The following DNAH8 variants were observed in gnomAD, a reference collection of about 807,000 sequenced individuals.
DNAH8 encodes axonemal beta dynein heavy chain 8.
A neutral mutation model predicts 562.1 loss-of-function variants in DNAH8; 382 were observed. That is an observed-to-expected ratio of 0.68 (90% CI 0.63 to 0.74). The LOEUF is 0.74. Among genes scored for constraint, DNAH8 ranks in the 30% least tolerant of loss-of-function variants. DNAH8 has a pLI of 0.00. For synonymous variants in DNAH8, 1,881 were observed against 1,919.4 expected (o/e 0.98, Z 0.52); for missense variants, 5,203 against 5,620.4 (o/e 0.93, Z 2.37).
At chr6:38,949,925 T>C (rs974651505) in intron 81 of DNAH8, among the ~76,000 whole-genome samples, 2 of 152,200 alleles carry the variant, frequency 1.3e-5, no homozygotes, top group Non-Finnish European at 2.9e-5. Flanking sequence ...TATTGTTGAA[T>C]TTATTTCTTT....
intron 48 of DNAH8, among the ~76,000 whole-genome samples, chr6:38,869,916 T>C (rs1777334674): frequency 6.6e-6 from 1 of 152,212 alleles, no homozygotes; most frequent in Non-Finnish European, 1.5e-5. Context: ...GTTCTCACAC[T>C]GTTAATAAAG....
At chr6:38,960,747 G>T (rs1483097011) in intron 82 of DNAH8, among the ~76,000 whole-genome samples, 4 of 151,966 alleles carry the variant, frequency 2.6e-5, no homozygotes, top group African/African-American at 9.7e-5. Context: ...CTATGATTCA[G>T]CAGTGCTGCT....
intron 41 of DNAH8, among the ~76,000 whole-genome samples, chr6:38,855,945 T>C (rs945875886): frequency 3.9e-5 from 6 of 152,178 alleles, no homozygotes; most frequent in African/African-American, 1.4e-4. Context: ...GCGCTGCTTA[T>C]GTGAATCTAA....
At chr6:38,906,068 C>T (rs1368277749) in intron 62 of DNAH8, among the ~76,000 whole-genome samples, 186 bp from the exon 63 acceptor site, 1 of 146,262 alleles carries the variant, frequency 6.8e-6, no homozygotes, top group Non-Finnish European at 1.5e-5. Flanking sequence ...ACACACTTGG[C>T]TTTTTTTTTT....
chr6:38,746,385 G>T (rs1035550999), intron 8 of DNAH8, among the ~76,000 whole-genome samples: 2 of 151,932 alleles, frequency 1.3e-5, no homozygotes, highest in African/African-American at 4.8e-5. Context: ...AATGCTTAAG[G>T]CTCATTTTGT....
Position 38,977,175 on chromosome 6 carries a change from G to A in DNAH8, c.12834+2646G>A, listed in dbSNP as rs558802774. 2.4e-4 allele frequency among the ~76,000 whole-genome samples: 37 copies of A among 152,332 alleles called. No homozygotes were observed. The Middle Eastern group carries it at 0.014, about 56-fold the overall frequency. On this transcript the variant is annotated intron_variant, in intron 85 of 92. Coordinates refer to ENST00000327475, the MANE Select transcript of DNAH8 (RefSeq NM_001206927.2). Reference sequence around the variant, plus strand: ...CTTGGGCAGAAGAGTGGTGGAGGGCGTGGTTTGCTTTATTCTTGAGGTGGG... The same window carrying A: ...CTTGGGCAGAAGAGTGGTGGAGGGCATGGTTTGCTTTATTCTTGAGGTGGG...
intron 82 of DNAH8, among the ~76,000 whole-genome samples, chr6:38,963,253 C>CTTTTT (rs57083753): frequency 3.2e-4 from 33 of 102,608 alleles, no homozygotes; most frequent in East Asian, 6.5e-4. Flanking sequence ...AGTCCTTTTT[C>CTTTTT]TTTTTTTTTT....
chr6:39,029,358 C>T (rs895471667), intron 92 of DNAH8, among the ~76,000 whole-genome samples: 17 of 152,314 alleles, frequency 1.1e-4, no homozygotes, highest in African/African-American at 3.8e-4. Flanking sequence ...CTCCTGAGCA[C>T]TCCAGCCACA....
intron 10 of DNAH8, among the ~76,000 whole-genome samples, chr6:38,756,761 A>G (rs1359066160): frequency 1.3e-5 from 2 of 149,372 alleles, no homozygotes; most frequent in Admixed American, 6.7e-5. Flanking sequence ...CTAAGTGAGA[A>G]CATGCGGTGT....
intron 39 of DNAH8, 47 bp downstream of exon 39, chr6:38,851,721 C>A: frequency 2.6e-6 from 3 of 1,171,656 alleles, no homozygotes; most frequent in East Asian, 2.3e-5. Context: ...CCACGACATA[C>A]ACAATGAAGA....
chr6:38,924,510 C>T (rs78602369), intron 73 of DNAH8, among the ~76,000 whole-genome samples: 1 of 150,754 alleles, frequency 6.6e-6, no homozygotes, highest in African/African-American at 2.4e-5. Flanking sequence ...ATCCCCCCCC[C>T]AAAAAAAAGA....
At chr6:38,851,550 A>ATT in intron 38 of DNAH8, 22 bp from the exon 39 acceptor site, 1 of 1,499,046 alleles carries the variant, frequency 6.7e-7, no homozygotes, top group Non-Finnish European at 9.2e-7. Flanking sequence ...ACTTGGTAAC[A>ATT]TACTGTCGAC....
chr6:39,018,965 C>G (rs947677993), intron 91 of DNAH8, among the ~76,000 whole-genome samples: 2 of 152,130 alleles, frequency 1.3e-5, no homozygotes, highest in African/African-American at 2.4e-5. Flanking sequence ...GGTGAGTATG[C>G]ATAACATGGA....
intron 1 of DNAH8, among the ~76,000 whole-genome samples, chr6:38,715,927 T>TAAATAAATAA (rs1295765006): frequency 5.1e-4 from 16 of 31,596 alleles, no homozygotes; most frequent in Admixed American, 1.9e-3. Context: ...AATAAATAAA[T>TAAATAAATAA]ATATATATAT....
rs376791268 is a variant in DNAH8 at position 38,737,938 on chromosome 6, A to C, written c.1082A>C (p.Glu361Ala). 232 of 1,608,974 alleles carry C rather than the reference A, an allele frequency of 1.4e-4. No homozygotes were observed. The highest frequency in any genetic ancestry group is 1.9e-4 in the Non-Finnish European group (225 of 1,177,852). The change falls in exon 7 of 93, where the codon GAA (glutamate) becomes GCA (alanine). Residue 361 changes from glutamate (E) to alanine (A), a missense_variant. Around this residue, in one of 6 missense-constraint regions of DNAH8, gnomAD observed 556 missense variants for 496.9 expected, o/e 1.12. Transcript: ENST00000327475. Reference sequence around the variant, plus strand: ...TCAGAAACTGTTCATCAGCTGGAGGAAGTGCTGATGGTATGGTACAAACAG... The same window carrying C: ...TCAGAAACTGTTCATCAGCTGGAGGCAGTGCTGATGGTATGGTACAAACAG... ...SNSETVHQLE[E>A]VLMVWYKQIE... is the part of the protein sequence containing the mutation.
Position 38,909,599 on chromosome 6 carries a change from C to T in DNAH8, c.9595C>T (p.Pro3199Ser). 6.2e-7 allele frequency: 1 copy of T among 1,614,144 alleles called. No homozygotes were observed. The highest frequency in any genetic ancestry group is 1.1e-5 in the South Asian group (1 of 91,076). Residue 3199 changes from proline to serine, a missense_variant, in exon 65 of 93, where the codon CCA becomes TCA. Around this residue, in one of 6 missense-constraint regions of DNAH8, gnomAD observed 977 missense variants for 1,061.8 expected, o/e 0.92. Coordinates refer to ENST00000327475, the MANE Select transcript of DNAH8 (RefSeq NM_001206927.2). ...CACTATGGACTGGTTCAGCCGCTGG[C>T]CAAGGGAGGCTCTGATTGCTGTGGC... is the stretch of plus-strand genomic sequence containing the variant. ...GCTMDWFSRW[P>S]REALIAVASY...
intron 87 of DNAH8, 176 bp downstream of exon 87, chr6:38,984,483 C>G: frequency 1.8e-6 from 1 of 567,660 alleles, no homozygotes; most frequent in Non-Finnish European, 3.2e-6. Context: ...CACACACACA[C>G]ACACACACAC....
chr6:38,907,461 C>T (rs1187212461), intron 63 of DNAH8, among the ~76,000 whole-genome samples: 1 of 152,170 alleles, frequency 6.6e-6, no homozygotes, highest in Non-Finnish European at 1.5e-5. Context: ...TGCAAAACAA[C>T]CTTATCAATT....
At chr6:38,908,665 ACCTTAGACTC>A (rs1780663512) in intron 64 of DNAH8, among the ~76,000 whole-genome samples, 1 of 151,964 alleles carries the variant, frequency 6.6e-6, no homozygotes. Context: ...CCATCCTCTC[ACCTTAGACTC>A]CCAAGTAGCT....
Sources: gnomAD v4.1 joint callset for allele counts (sites outside exome capture counted in the v4.1 genomes callset) on GRCh38, gnomAD v4.1.1 for gene constraint, gnomAD v4.1.1 regional missense constraint, MANE v1.5 for transcripts, NCBI Gene and HGNC (gene_info 2026-07-23, HGNC 2026-07-21) for gene names.